The following ADCY3 variants were observed in gnomAD, a reference collection of about 807,000 sequenced individuals.
ADCY3 encodes adenylate cyclase 3, also known as adenylate cyclase type 3.
In ADCY3, 70 loss-of-function variants were observed where a neutral mutation model predicts 119.4. The observed-to-expected ratio is 0.59, with a 90% confidence interval of 0.48 to 0.72. The LOEUF is 0.72. ADCY3 is among the 30% of genes least tolerant of loss of function. The probability of loss-of-function intolerance (pLI) is 0.00; values close to 1 mark genes in which losing one functional copy is unlikely to be tolerated. For synonymous variants in ADCY3, 672 were observed against 621.4 expected, an observed-to-expected ratio of 1.08 and a Z score of -1.21; for missense variants, 1,238 against 1,541.6, an observed-to-expected ratio of 0.80 and a Z score of 3.30.
intron 2 of ADCY3, among the ~76,000 whole-genome samples, chr2:24,912,153 C>A (rs1367942632): frequency 6.6e-6 from 1 of 152,098 alleles, no homozygotes; most frequent in African/African-American, 2.4e-5. Flanking sequence ...CCCGTGGAAT[C>A]TATTATCAAG....
At chr2:24,884,007 G>T (rs922176881) in intron 2 of ADCY3, among the ~76,000 whole-genome samples, 1 of 152,108 alleles carries the variant, frequency 6.6e-6, no homozygotes, top group Non-Finnish European at 1.5e-5. Flanking sequence ...TTTCTCCTGG[G>T]GATTTGATAC....
chr2:24,878,468 T>C lies in ADCY3; in HGVS notation c.676-5749A>G, dbSNP rs1675983885. On this transcript the variant is annotated intron_variant, in intron 2 of 21. Transcript: ENST00000679454. The surrounding 1 kb of genome is among the most constrained non-coding windows in gnomAD (Gnocchi z 4.0). Reference sequence around the variant, plus strand: ...TTCCAGCCTGAAGGTTCCAGAACACTCTGGAACTGTGGAGAAGAAGCTGAG... The same window carrying C: ...TTCCAGCCTGAAGGTTCCAGAACACCCTGGAACTGTGGAGAAGAAGCTGAG... 6.6e-6 allele frequency among the ~76,000 whole-genome samples: 1 copy of C among 151,938 alleles called. No homozygotes were observed. The highest frequency in any genetic ancestry group is 1.5e-5 in the Non-Finnish European group (1 of 68,002).
At chr2:24,914,170 C>T (rs968515644) in intron 2 of ADCY3, among the ~76,000 whole-genome samples, 14 of 152,196 alleles carry the variant, frequency 9.2e-5, no homozygotes, top group African/African-American at 2.9e-4. Flanking sequence ...CTGCCAGCCT[C>T]GGCTCCTCCT....
intron 3 of ADCY3, among the ~76,000 whole-genome samples, chr2:24,859,468 C>T (rs113070660): frequency 5.3e-5 from 8 of 152,322 alleles, no homozygotes; most frequent in African/African-American, 1.7e-4. Flanking sequence ...GGCTCTGACT[C>T]CCCTCTCCCC....
chr2:24,885,708 T>C (rs576405874), intron 2 of ADCY3, among the ~76,000 whole-genome samples: 235 of 152,310 alleles, frequency 1.5e-3, no homozygotes, highest in Non-Finnish European at 2.7e-3. Context: ...CACATTAATC[T>C]TCCAAAATAA....
At chr2:24,830,681 C>A in intron 13 of ADCY3, 28 bp downstream of exon 13, 1 of 1,577,280 alleles carries the variant, frequency 6.3e-7, no homozygotes, top group Non-Finnish European at 8.7e-7. Context: ...ACAGGGGCGT[C>A]CCTTCAACAA....
At chr2:24,873,823 A>T (rs11892869) in intron 2 of ADCY3, among the ~76,000 whole-genome samples, 81,840 of 152,090 alleles carry the variant, frequency 0.54, 24,598 homozygotes, top group African/African-American at 0.83. Context: ...CCAGCCCTGG[A>T]TCCCCGACGC....
At chr2:24,848,617 G>A (rs1185912121) in intron 3 of ADCY3, among the ~76,000 whole-genome samples, 1 of 152,166 alleles carries the variant, frequency 6.6e-6, no homozygotes, top group East Asian at 1.9e-4. Flanking sequence ...TTCCTAGGCA[G>A]GAAAGCAGGA....
chr2:24,915,383 G>T (rs1664327393), intron 2 of ADCY3, among the ~76,000 whole-genome samples: 1 of 152,108 alleles, frequency 6.6e-6, no homozygotes, highest in African/African-American at 2.4e-5. Flanking sequence ...CTTGCATCCT[G>T]TCCTCCAGCC....
chr2:24,900,912 A>C (rs1478937538), intron 2 of ADCY3, among the ~76,000 whole-genome samples: 2 of 152,130 alleles, frequency 1.3e-5, no homozygotes, highest in Non-Finnish European at 2.9e-5. Context: ...TAAAAATACA[A>C]AAATCAGCTG....
At chr2:24,840,057 G>A (rs1290313629) in intron 6 of ADCY3, 26 bp from the exon 7 acceptor site, 2 of 1,593,022 alleles carry the variant, frequency 1.3e-6, no homozygotes, top group Non-Finnish European at 8.6e-7. Flanking sequence ...AGAAAGGAGG[G>A]TCAGGGTGTG....
chr2:24,826,383 G>A (rs549058901), intron 15 of ADCY3: 2 of 439,604 alleles, frequency 4.5e-6, no homozygotes, highest in East Asian at 4.1e-5. Flanking sequence ...TGCTCCCCAG[G>A]TATTTAAGAA....
chr2:24,905,786 G>A (rs933147017), intron 2 of ADCY3, among the ~76,000 whole-genome samples: 4 of 152,208 alleles, frequency 2.6e-5, no homozygotes, highest in Non-Finnish European at 5.9e-5. Context: ...AGTGAAAAAG[G>A]TATTATTATC....
intron 2 of ADCY3, among the ~76,000 whole-genome samples, chr2:24,879,716 A>G (rs999071727): frequency 6.6e-6 from 1 of 152,204 alleles, no homozygotes; most frequent in African/African-American, 2.4e-5. Flanking sequence ...CCGAGCCCCT[A>G]GTCTCCCAGC....
chr2:24,919,258 C>T lies in ADCY3; in HGVS notation c.-197-74G>A, dbSNP rs1664827765. The T allele has an allele frequency of 2.2e-6, 1 of 444,704 alleles. No homozygotes were observed. Among genetic ancestry groups the T allele is most frequent in the Admixed American group, 3.8e-5 (1 of 26,112 alleles). 27.5% of individuals were successfully genotyped at this position (444,704 alleles called of 1,614,324 possible). On this transcript the variant is annotated intron_variant, in intron 1 of 21. Transcript: ENST00000679454. The surrounding 1 kb of genome is among the most constrained non-coding windows in gnomAD (Gnocchi z 5.5). ...GGTTTCCCCATGACCCGCCCTAACC[C>T]TCATAAAAGGATCTCTGCTGCAAGA...
At chr2:24,823,680 C>G (rs972406244) in intron 17 of ADCY3, among the ~76,000 whole-genome samples, 2 of 135,672 alleles carry the variant, frequency 1.5e-5, no homozygotes, top group African/African-American at 2.7e-5. Context: ...TTAAAAATAG[C>G]TCATCGCTAC....
At chr2:24,865,754 T>A (rs1488287844) in intron 3 of ADCY3, among the ~76,000 whole-genome samples, 2 of 151,906 alleles carry the variant, frequency 1.3e-5, no homozygotes, top group African/African-American at 4.8e-5. Context: ...AAAAGCTGGA[T>A]AAAATACATA....
chr2:24,872,785 A>T lies in ADCY3; in HGVS notation c.676-66T>A. The T allele has an allele frequency of 6.4e-7, 1 of 1,574,228 alleles. No homozygotes were observed. Among genetic ancestry groups the T allele is most frequent in the Non-Finnish European group, 8.7e-7 (1 of 1,153,034 alleles). On this transcript the variant is annotated intron_variant, in intron 2 of 21. Transcript: ENST00000679454. The surrounding 1 kb of genome is among the most constrained non-coding windows in gnomAD (Gnocchi z 4.4). The stretch of plus-strand genomic sequence containing the variant: ...GGCACGTCTTCAGAAAAGGGGATGG[A>T]GAAGGGGATGGAGGAGGTGGGGTGG...
chr2:24,862,242 T>C (rs1182649156), intron 3 of ADCY3, among the ~76,000 whole-genome samples: 1 of 152,170 alleles, frequency 6.6e-6, no homozygotes, highest in Non-Finnish European at 1.5e-5. Flanking sequence ...CCTTTCTATC[T>C]GGTTTTAAAA....
Sources: gnomAD v4.1 joint callset for allele counts (sites outside exome capture counted in the v4.1 genomes callset) on GRCh38, gnomAD v4.1.1 for gene constraint, Gnocchi (gnomAD v3.1) non-coding constraint, MANE v1.5 for transcripts, NCBI Gene and HGNC (gene_info 2026-07-23, HGNC 2026-07-21) for gene names.